CLIP2: variants seen among roughly 807,000 people sequenced by gnomAD.
CLIP2 encodes the protein CAP-Gly domain-containing linker protein 2.
CLIP2 carries 41 observed loss-of-function variants against 111.7 expected under a neutral mutation model. That is an observed-to-expected ratio of 0.37 (90% CI 0.29 to 0.48). CLIP2 has a LOEUF of 0.48. CLIP2 is among the 20% of genes least tolerant of loss of function. CLIP2 has a pLI of 0.99. For synonymous variants in CLIP2, 660 were observed against 644.2 expected, an observed-to-expected ratio of 1.02 and a Z score of -0.37; for missense variants, 1,160 against 1,422.1, an observed-to-expected ratio of 0.82 and a Z score of 2.96.
rs1231055792 is a variant in CLIP2 at position 74,372,670 on chromosome 7, A to AC, written c.1381-256dup. Among the ~76,000 whole-genome samples, 443 of 124,672 alleles carry AC rather than the reference A, an allele frequency of 3.6e-3. 4 individuals carry two copies. The highest frequency in any genetic ancestry group is 0.011 in the African/African-American group (366 of 34,200). The allele number at this position is 124,672 out of a possible 152,430, so 81.8% of individuals were successfully genotyped here. A position where few individuals can be genotyped will look rare whatever the true frequency, so the allele number is the denominator to read the frequency against. The stretch of plus-strand genomic sequence containing the variant: ...GAGGGAGGATGGCTTGCAGGCCCCC[A>AC]CCCCCCACCGCCCTACACTGACCCA... On this transcript the variant is annotated intron_variant, in intron 8 of 16. Transcript: ENST00000223398.
intron 3 of CLIP2, among the ~76,000 whole-genome samples, chr7:74,344,957 G>A (rs1472102975): frequency 6.6e-6 from 1 of 152,174 alleles, no homozygotes; most frequent in Non-Finnish European, 1.5e-5. Flanking sequence ...CTGGAATCAA[G>A]CCCAGCTGGG....
At chr7:74,312,401 C>T (rs1788664654) in intron 1 of CLIP2, among the ~76,000 whole-genome samples, 1 of 152,082 alleles carries the variant, frequency 6.6e-6, no homozygotes, top group African/African-American at 2.4e-5. Flanking sequence ...CAGCAATGCT[C>T]TCCCTTCTCT....
rs1562717811 is a variant in CLIP2, at chr7:74,375,253, T to TA, written c.1486-634_1486-633insA. Among the ~76,000 whole-genome samples the TA allele has an allele frequency of 3.7e-3, 547 of 146,754 alleles. 4 individuals carry two copies. Among genetic ancestry groups the TA allele is most frequent in the African/African-American group, 0.013 (509 of 38,118 alleles). On this transcript the variant is annotated intron_variant, in intron 9 of 16. Transcript: ENST00000223398. ...CAACATAGCTAGACCCCCGTCTCTT[T>TA]TAAAAAAAAAAAAAATGCTGGGCGG... is the stretch of plus-strand genomic sequence containing the variant.
intron 12 of CLIP2, 198 bp from the exon 13 acceptor site, chr7:74,388,905 A>ATAAT (rs1791196411): frequency 9.6e-6 from 5 of 519,550 alleles, no homozygotes; most frequent in Non-Finnish European, 9.9e-6. Flanking sequence ...GCAATGAGCT[A>ATAAT]TAATTGTGCC....
In CLIP2 at chr7:74,322,723, T is replaced by G. The variant is rs201615226; in HGVS notation, c.121+5056T>G. ...ACACCTGTCCCATTGTTTATCTTTG[T>G]TTTTTGCTGTTGTTGTTTGTTTTTT... On this transcript the variant is annotated intron_variant, in intron 2 of 16. Coordinates refer to ENST00000223398, the MANE Select transcript of CLIP2 (RefSeq NM_003388.5). 1.2e-4 allele frequency among the ~76,000 whole-genome samples: 19 copies of G among 152,242 alleles called. No individual in the cohort carries two copies. The East Asian group carries it at 3.5e-3, about 28-fold the overall frequency.
chr7:74,293,843 G>A (rs927085667), intron 1 of CLIP2, among the ~76,000 whole-genome samples: 2 of 152,132 alleles, frequency 1.3e-5, no homozygotes, highest in South Asian at 2.1e-4. Context: ...GCCCTGCCCC[G>A]GGACAGGAGG....
Position 74,319,422 on chromosome 7 carries a change from C to T in CLIP2, c.121+1755C>T, listed in dbSNP as rs377631890. On this transcript the variant is annotated intron_variant, in intron 2 of 16. Coordinates refer to ENST00000223398, the MANE Select transcript of CLIP2 (RefSeq NM_003388.5). The stretch of plus-strand genomic sequence containing the variant: ...ACATGGGAGGCCGAGGCATGAGAAT[C>T]GGTTGGACTTAGGAGGCGGAGGCTA... 2.6e-5 allele frequency among the ~76,000 whole-genome samples: 4 copies of T among 151,970 alleles called. No individual in the cohort carries two copies. The East Asian group carries it at 5.8e-4, about 22-fold the overall frequency.
rs2116689130 is a variant in CLIP2, at chr7:74,389,256, A to G, written c.2717A>G (p.Glu906Gly). The G allele has an allele frequency of 1.3e-6, 2 of 1,592,466 alleles. No homozygotes were observed. Among genetic ancestry groups the G allele is most frequent in the Middle Eastern group, 1.7e-4 (1 of 5,992 alleles). ...ATCAGCCAGGAGCTGCTGCGGAAGG[A>G]GCGGTGAGGCGGCCGTGGGGCCGGC... ...VLISQELLRK[E>G]RSLNELRVLL... The change falls in exon 13 of 17, where the codon GAG becomes GGG. Residue 906 changes from glutamate (E) to glycine (G), a missense_variant. Coordinates refer to ENST00000223398, the MANE Select transcript of CLIP2 (RefSeq NM_003388.5).
Position 74,349,429 on chromosome 7 carries a change from C to CA in CLIP2, c.679-4433dup, listed in dbSNP as rs1178028833. Among the ~76,000 whole-genome samples the CA allele has an allele frequency of 6.3e-3, 105 of 16,574 alleles. 10 individuals carry two copies. The East Asian group carries it at 0.1, about 16-fold the overall frequency. 10.9% of individuals were successfully genotyped at this position (16,574 alleles called of 152,430 possible). On this transcript the variant is annotated intron_variant, in intron 3 of 16. Transcript: ENST00000223398. ...CTGGCAACAAAGCGAGACTCTGTCT[C>CA]AAAAAAAAAAAAAAAAAAGTATGTA...
intron 2 of CLIP2, among the ~76,000 whole-genome samples, chr7:74,330,593 A>G (rs1436304540): frequency 6.6e-6 from 1 of 151,696 alleles, no homozygotes; most frequent in Admixed American, 6.6e-5. Flanking sequence ...GTTGTTCCCT[A>G]TTCCTCTTCC....
At chr7:74,302,190 A>G (rs1466410602) in intron 1 of CLIP2, among the ~76,000 whole-genome samples, 1 of 151,898 alleles carries the variant, frequency 6.6e-6, no homozygotes, top group Non-Finnish European at 1.5e-5. Flanking sequence ...GGCAAGGAAG[A>G]TGCCTCCTTT....
chr7:74,307,595 A>G (rs1317824991), intron 1 of CLIP2, among the ~76,000 whole-genome samples: 2 of 152,080 alleles, frequency 1.3e-5, no homozygotes, highest in African/African-American at 4.8e-5. Context: ...GGTTCAAGTG[A>G]TTCTCCTGCC....
At chr7:74,386,407 C>T in intron 11 of CLIP2, 114 bp from the exon 12 acceptor site, 1 of 762,262 alleles carries the variant, frequency 1.3e-6, no homozygotes, top group Non-Finnish European at 2.1e-6. Context: ...GAACTTGGAC[C>T]CTGGAGGCCA....
rs371855489 is a variant in CLIP2 at position 74,371,811 on chromosome 7, A to T, written c.1381-1121A>T. Among the ~76,000 whole-genome samples the T allele has an allele frequency of 9.9e-5, 15 of 152,218 alleles. No homozygotes were observed. In the South Asian group the frequency reaches 3.1e-3, roughly 32 times the overall value. ...GAACTTTTTTTGTTGTTCCTTAAGG[A>T]AAATTCAAGAAATAAAATAGGCCAA... is the stretch of plus-strand genomic sequence containing the variant. On this transcript the variant is annotated intron_variant, in intron 8 of 16. Transcript: ENST00000223398.
At chr7:74,296,022 A>C (rs1417510635) in intron 1 of CLIP2, among the ~76,000 whole-genome samples, 1 of 150,060 alleles carries the variant, frequency 6.7e-6, no homozygotes, top group Non-Finnish European at 1.5e-5. Context: ...GTTTTTATAG[A>C]GATAATCAAG....
intron 13 of CLIP2, among the ~76,000 whole-genome samples, chr7:74,392,350 CAAAAA>C (rs56386461): frequency 7.9e-6 from 1 of 127,166 alleles, no homozygotes; most frequent in African/African-American, 2.9e-5. Context: ...GACTCCATCT[CAAAAA>C]AAAAAAAAAG....
intron 14 of CLIP2, among the ~76,000 whole-genome samples, chr7:74,398,965 C>G (rs548734052): frequency 6.6e-6 from 1 of 152,332 alleles, no homozygotes; most frequent in East Asian, 1.9e-4. Context: ...GGCCTCTGCC[C>G]CAGGGTAGCC....
intron 1 of CLIP2, among the ~76,000 whole-genome samples, chr7:74,297,486 C>A (rs1446579327): frequency 6.6e-6 from 1 of 151,734 alleles, no homozygotes; most frequent in Non-Finnish European, 1.5e-5. Flanking sequence ...CAAAAAAAAA[C>A]CCAAAAAACC....
intron 2 of CLIP2, among the ~76,000 whole-genome samples, chr7:74,328,473 C>T (rs1238901397): frequency 4.6e-5 from 7 of 152,074 alleles, no homozygotes; most frequent in African/African-American, 1.7e-4. Context: ...GAGTCCACCT[C>T]CTGGGGCTCA....
Sources: gnomAD v4.1 joint callset for allele counts (sites outside exome capture counted in the v4.1 genomes callset) on GRCh38, gnomAD v4.1.1 for gene constraint, MANE v1.5 for transcripts, NCBI Gene and HGNC (gene_info 2026-07-23, HGNC 2026-07-21) for gene names.